C1orf21: variants seen among roughly 807,000 people sequenced by gnomAD.
The protein encoded by C1orf21 is chromosome 1 open reading frame 21.
In C1orf21, 3 loss-of-function variants were observed where a neutral mutation model predicts 18.7. That is an observed-to-expected ratio of 0.16 (90% CI 0.07 to 0.42). C1orf21 has a LOEUF of 0.42. Among genes scored for constraint, C1orf21 ranks in the 10% least tolerant of loss-of-function variants. The pLI is 0.99. For missense variants in C1orf21, 104 were observed against 143.6 expected (o/e 0.72, Z 1.41); for synonymous variants, 41 against 46.4 (o/e 0.88, Z 0.47).
intron 1 of C1orf21, among the ~76,000 whole-genome samples, chr1:184,395,462 TA>T (rs1370147499): frequency 6.6e-6 from 1 of 152,206 alleles, no homozygotes; most frequent in Non-Finnish European, 1.5e-5. Context: ...TTCACTCAGA[TA>T]ATTTATTGAA....
At chr1:184,614,779 C>A (rs929338364) in intron 5 of C1orf21, among the ~76,000 whole-genome samples, 2 of 152,198 alleles carry the variant, frequency 1.3e-5, no homozygotes, top group African/African-American at 4.8e-5. Context: ...AAGGAGCACA[C>A]AACCTAGATC....
chr1:184,506,349 G>A (rs1658061747), intron 2 of C1orf21, among the ~76,000 whole-genome samples: 1 of 152,146 alleles, frequency 6.6e-6, no homozygotes, highest in Non-Finnish European at 1.5e-5. Flanking sequence ...GAACATCTTT[G>A]GGAGTTGTGT....
chr1:184,418,350 C>G (rs1437607891), intron 1 of C1orf21, among the ~76,000 whole-genome samples: 1 of 152,184 alleles, frequency 6.6e-6, no homozygotes, highest in Non-Finnish European at 1.5e-5. Flanking sequence ...TCCCAAATAG[C>G]TGGCATGTGC....
At chr1:184,481,270 G>A (rs1657649881) in intron 2 of C1orf21, among the ~76,000 whole-genome samples, 1 of 152,192 alleles carries the variant, frequency 6.6e-6, no homozygotes, top group African/African-American at 2.4e-5. Context: ...TCTTGATTAT[G>A]AATTGGTGGG....
chr1:184,616,091 A>C (rs1376291675), intron 5 of C1orf21, among the ~76,000 whole-genome samples: 1 of 152,210 alleles, frequency 6.6e-6, no homozygotes. Flanking sequence ...TGCACAAGGT[A>C]ATCGCCTCTG....
intron 2 of C1orf21, among the ~76,000 whole-genome samples, chr1:184,495,973 A>ACAC (rs1484864165): frequency 6.6e-6 from 1 of 151,622 alleles, no homozygotes; most frequent in Non-Finnish European, 1.5e-5. Context: ...TCTGTTAGGT[A>ACAC]CACTCACTTT....
intron 3 of C1orf21, among the ~76,000 whole-genome samples, chr1:184,561,678 G>A (rs1291105574): frequency 6.6e-6 from 1 of 152,116 alleles, no homozygotes; most frequent in Non-Finnish European, 1.5e-5. Context: ...ATGCGATGGT[G>A]TGATCTTCGG....
At chr1:184,598,593 A>G (rs1659548284) in intron 5 of C1orf21, 132 bp downstream of exon 5, 2 of 846,120 alleles carry the variant, frequency 2.4e-6, no homozygotes, top group African/African-American at 3.5e-5. Flanking sequence ...GAGTTAAATA[A>G]AAGTCACCGC....
chr1:184,529,904 C>G (rs541171602), intron 3 of C1orf21, among the ~76,000 whole-genome samples: 1 of 152,162 alleles, frequency 6.6e-6, no homozygotes, highest in Non-Finnish European at 1.5e-5. Context: ...GTCAAATAGA[C>G]CCTGGTTCAG....
chr1:184,587,831 T>C (rs959743541), intron 3 of C1orf21, among the ~76,000 whole-genome samples: 3 of 152,080 alleles, frequency 2.0e-5, no homozygotes, highest in Non-Finnish European at 4.4e-5. Context: ...GCCAGGCTGC[T>C]CTGGAGCTCC....
chr1:184,616,825 G>T (rs1223325475), intron 5 of C1orf21, among the ~76,000 whole-genome samples: 1 of 152,158 alleles, frequency 6.6e-6, no homozygotes, highest in African/African-American at 2.4e-5. Context: ...CTGAGACTTT[G>T]CTTTGATTTG....
At chr1:184,414,842 T>A (rs957703783) in intron 1 of C1orf21, among the ~76,000 whole-genome samples, 9 of 152,208 alleles carry the variant, frequency 5.9e-5, no homozygotes, top group Non-Finnish European at 1.2e-4. Context: ...ACCAGTTTAT[T>A]GGTTCTTTTG....
intron 3 of C1orf21, among the ~76,000 whole-genome samples, chr1:184,578,993 TAAAA>T (rs67905484): frequency 7.4e-5 from 9 of 121,652 alleles, no homozygotes; most frequent in Non-Finnish European, 6.8e-5. Flanking sequence ...TTGTGAAGGT[TAAAA>T]AAAAAAAAAA....
chr1:184,520,875 A>C (rs1658296700), intron 3 of C1orf21, among the ~76,000 whole-genome samples: 1 of 152,224 alleles, frequency 6.6e-6, no homozygotes, highest in African/African-American at 2.4e-5. Flanking sequence ...TTTATGCCTA[A>C]TATAAATAGA....
chr1:184,490,212 T>G (rs1490989046), intron 2 of C1orf21, among the ~76,000 whole-genome samples: 1 of 152,220 alleles, frequency 6.6e-6, no homozygotes, highest in African/African-American at 2.4e-5. Context: ...TTGCATGAAT[T>G]AGGTGCTGTG....
chr1:184,606,107 C>T (rs559196692), intron 5 of C1orf21, among the ~76,000 whole-genome samples: 40 of 152,318 alleles, frequency 2.6e-4, no homozygotes, highest in African/African-American at 9.4e-4. Context: ...TTCTTGTGAA[C>T]ACTTACAGAG....
At chr1:184,585,144 T>C (rs377483782) in intron 3 of C1orf21, among the ~76,000 whole-genome samples, 3 of 152,214 alleles carry the variant, frequency 2.0e-5, no homozygotes, top group East Asian at 3.8e-4. Flanking sequence ...TTAATAGTTC[T>C]TTTCTCTGCA....
intron 1 of C1orf21, among the ~76,000 whole-genome samples, chr1:184,472,476 G>A (rs985821362): frequency 6.6e-6 from 1 of 151,902 alleles, no homozygotes; most frequent in Non-Finnish European, 1.5e-5. Context: ...CAATATTTTT[G>A]CCTTTTGTAT....
chr1:184,434,331 A>C (rs1209388138), intron 1 of C1orf21, among the ~76,000 whole-genome samples: 1 of 151,748 alleles, frequency 6.6e-6, no homozygotes, highest in African/African-American at 2.4e-5. Flanking sequence ...TCTGTCAGGT[A>C]GGGGCTATTA....
Sources: allele counts gnomAD v4.1 joint callset (sites outside exome capture counted in the v4.1 genomes callset), GRCh38; gene constraint gnomAD v4.1.1; transcripts MANE v1.5; gene names NCBI Gene and HGNC (gene_info 2026-07-23, HGNC 2026-07-21).